Variants in RP1 observed in about 807,000 individuals in gnomAD.
The protein encoded by RP1 is RP1 axonemal microtubule associated.
A neutral mutation model predicts 14.8 loss-of-function variants in RP1; 16 were observed. That is an observed-to-expected ratio of 1.08 (90% CI 0.73 to 1.65). RP1 has a LOEUF of 1.65. Ranked by LOEUF, RP1 falls within the 40% of genes most tolerant of loss-of-function variation. The pLI, the probability that RP1 is intolerant of heterozygous loss-of-function variation, is 0.00. For missense variants in RP1, 2,631 were observed against 2,535.0 expected (o/e 1.04, Z -0.81); for synonymous variants, 876 against 883.6 (o/e 0.99, Z 0.15).
chr8:54,770,211 ATCCATT>A, downstream of RP1: 1 of 400,260 alleles, frequency 2.5e-6, no homozygotes, highest in Non-Finnish European at 4.4e-6. Flanking sequence ...ATCTGAAATA[ATCCATT>A]TCTGTTTCAA....
intron 25 of RP1, among the ~76,000 whole-genome samples, chr8:54,847,797 G>A (rs1035460072): frequency 6.6e-6 from 1 of 152,220 alleles, no homozygotes; most frequent in Admixed American, 6.5e-5. Context: ...AGGCTCTGGG[G>A]CAGTGTGTGT....
chr8:54,817,165 G>A (rs1811153245), intron 24 of RP1, among the ~76,000 whole-genome samples: 1 of 152,038 alleles, frequency 6.6e-6, no homozygotes, highest in Admixed American at 6.6e-5. Context: ...GCTCCATATG[G>A]ATAGGTGCCC....
rs570802151 is a variant in RP1, at chr8:54,705,197, G to A, written c.1999-1246G>A. ...CACTATCAAGGCTTGATAATTCACC[G>A]GAAGAACTCACAGAACCCATTGAAA... On this transcript the variant is annotated intron_variant, in intron 14 of 22. Coordinates refer to the RP1 transcript ENST00000636932. Among the ~76,000 whole-genome samples, 22 of 151,848 alleles carry A rather than the reference G, an allele frequency of 1.4e-4. 1 individual carries two copies. Among genetic ancestry groups the A allele is most frequent in the African/African-American group, 4.6e-4 (19 of 41,420 alleles).
At chr8:54,807,153 A>G (rs1402072605) in intron 24 of RP1, among the ~76,000 whole-genome samples, 1 of 152,186 alleles carries the variant, frequency 6.6e-6, no homozygotes, top group African/African-American at 2.4e-5. Context: ...GCAAAAGGAC[A>G]GGTAACTTGT....
Position 54,629,616 on chromosome 8 carries a change from G to A in RP1, c.5734G>A (p.Ala1912Thr), listed in dbSNP as rs1563333337. Residue 1912 changes from alanine (A) to threonine (T), a missense_variant, in exon 4 of 4, where the codon GCT becomes ACT. By Grantham distance (58) the Ala-to-Thr change is moderately conservative (BLOSUM62 0). Coordinates refer to ENST00000220676, the MANE Select transcript of RP1 (RefSeq NM_006269.2). ...AGCTGACTCTTTGGATAAACTGTAT[G>A]CTCTTTGTGGTCAACATTGCCCAAT... ...QEADSLDKLY[A>T]LCGQHCPILT... 1 of 1,613,880 alleles carries A rather than the reference G, an allele frequency of 6.2e-7. No homozygotes were observed. The highest frequency in any genetic ancestry group is 1.7e-5 in the Admixed American group (1 of 60,016).
chr8:54,855,284 T>C (rs138101155), intron 26 of RP1, among the ~76,000 whole-genome samples: 2 of 152,326 alleles, frequency 1.3e-5, no homozygotes, highest in East Asian at 3.9e-4. Context: ...TGTTCATGCA[T>C]GTTGTAGCAT....
chr8:54,574,915 G>A (rs1238532289), intron 1 of RP1, among the ~76,000 whole-genome samples: 4 of 152,082 alleles, frequency 2.6e-5, no homozygotes, highest in Non-Finnish European at 5.9e-5. Flanking sequence ...CTGAGAGTTT[G>A]AAGTAACAGC....
rs1210860098 is a variant in RP1 at position 54,656,125 on chromosome 8, C to G, written c.1081C>G (p.Pro361Ala). 3.9e-6 allele frequency: 6 copies of G among 1,533,998 alleles called. No homozygotes were observed. In the Admixed American group the frequency reaches 5.9e-5, roughly 15 times the overall value. Residue 361 changes from proline to alanine, a missense_variant, in exon 6 of 23, where the codon CCT becomes GCT. Coordinates refer to the RP1 transcript ENST00000636932. Reference sequence around the variant, plus strand: ...GAATTCTGGAAAACAGTTTTATGTACCTGTTCAACGATGGTTGGCACGAGA... The same window carrying G: ...GAATTCTGGAAAACAGTTTTATGTAGCTGTTCAACGATGGTTGGCACGAGA...
At chr8:54,595,996 G>C (rs1805136642) in intron 1 of RP1, among the ~76,000 whole-genome samples, 1 of 152,018 alleles carries the variant, frequency 6.6e-6, no homozygotes, top group African/African-American at 2.4e-5. Context: ...CAATAATTTT[G>C]TCTAAATTAA....
intron 4 of RP1, among the ~76,000 whole-genome samples, chr8:54,650,604 C>CT (rs1208068705): frequency 6.6e-6 from 1 of 151,988 alleles, no homozygotes; most frequent in Non-Finnish European, 1.5e-5. Flanking sequence ...CTACCAACCC[C>CT]TAGCAACCTC....
chr8:54,762,911 T>A (rs185934509), intron 22 of RP1, among the ~76,000 whole-genome samples: 4 of 152,304 alleles, frequency 2.6e-5, no homozygotes. Flanking sequence ...CTTTTGTGTG[T>A]CTGTGTCTCT....
intron 24 of RP1, among the ~76,000 whole-genome samples, chr8:54,788,634 G>A (rs186323149): frequency 2.4e-3 from 366 of 152,166 alleles, no homozygotes; most frequent in African/African-American, 6.4e-3. Context: ...AAACTTTTTC[G>A]TTAGTTACAA....
intron 24 of RP1, among the ~76,000 whole-genome samples, chr8:54,813,742 G>A (rs1485001417): frequency 2.0e-5 from 3 of 152,200 alleles, no homozygotes; most frequent in African/African-American, 4.8e-5. Flanking sequence ...CACAGGGGGC[G>A]AGTATGTAGA....
chr8:54,821,479 G>C (rs942322229), intron 24 of RP1, among the ~76,000 whole-genome samples: 1 of 152,174 alleles, frequency 6.6e-6, no homozygotes, highest in Non-Finnish European at 1.5e-5. Context: ...ATGGGGGTTT[G>C]ATTCCACATT....
intron 13 of RP1, among the ~76,000 whole-genome samples, chr8:54,700,672 G>A (rs1807992618): frequency 6.6e-6 from 1 of 152,086 alleles, no homozygotes; most frequent in African/African-American, 2.4e-5. Flanking sequence ...TCAAATTAAG[G>A]CTACCTTAAA....
intron 22 of RP1, among the ~76,000 whole-genome samples, chr8:54,762,382 C>T (rs939926210): frequency 1.3e-5 from 2 of 152,118 alleles, no homozygotes; most frequent in African/African-American, 2.4e-5. Flanking sequence ...AGGCTGCCTG[C>T]GAGTGTGCGC....
At chr8:54,664,807 A>G (rs1401020417) in intron 7 of RP1, among the ~76,000 whole-genome samples, 1 of 152,178 alleles carries the variant, frequency 6.6e-6, no homozygotes, top group African/African-American at 2.4e-5. Flanking sequence ...ACTCATGGAC[A>G]CAATGAGAGC....
intron 7 of RP1, among the ~76,000 whole-genome samples, chr8:54,667,223 G>C (rs1329299502): frequency 6.6e-6 from 1 of 152,070 alleles, no homozygotes; most frequent in Non-Finnish European, 1.5e-5. Context: ...GTAGAGCTGG[G>C]CTTCAGTGGG....
intron 28 of RP1, chr8:54,866,040 C>A (rs908043808): frequency 5.0e-6 from 2 of 402,210 alleles, no homozygotes; most frequent in African/African-American, 2.1e-5. Context: ...AAAACCAGAG[C>A]TGAAGGCCTT....
Sources: allele counts gnomAD v4.1 joint callset (sites outside exome capture counted in the v4.1 genomes callset), GRCh38; gene constraint gnomAD v4.1.1; transcripts MANE v1.5; gene names NCBI Gene and HGNC (gene_info 2026-07-23, HGNC 2026-07-21).